Variants in LRMDA observed in about 807,000 individuals in gnomAD.
LRMDA encodes the protein leucine-rich melanocyte differentiation-associated protein.
Under a neutral mutation model 29.8 loss-of-function variants are expected in LRMDA, and 18 were observed. The ratio of observed to expected loss-of-function variants is 0.60; its 90% CI spans 0.42 to 0.90. LRMDA has a LOEUF of 0.90. LRMDA is among the 40% of genes least tolerant of loss of function. LRMDA has a pLI of 0.00. For missense variants in LRMDA, 273 were observed against 273.9 expected (o/e 1.00, Z 0.02); for synonymous variants, 125 against 109.4 (o/e 1.14, Z -0.89).
At chr10:76,265,716 A>C (rs188129871) in intron 5 of LRMDA, among the ~76,000 whole-genome samples, 442 of 152,282 alleles carry the variant, frequency 2.9e-3, no homozygotes, top group African/African-American at 9.7e-3. Context: ...GAAGAGTCAG[A>C]TCTTCAGCTT....
At chr10:75,466,774 C>T (rs898240167) in intron 2 of LRMDA, among the ~76,000 whole-genome samples, 1 of 152,130 alleles carries the variant, frequency 6.6e-6, no homozygotes, top group Admixed American at 6.5e-5. Flanking sequence ...ACTCCCCCTA[C>T]TGAATCTACC....
At chr10:75,939,379 G>A (rs143957590) in intron 2 of LRMDA, among the ~76,000 whole-genome samples, 3 of 152,122 alleles carry the variant, frequency 2.0e-5, no homozygotes, top group Non-Finnish European at 4.4e-5. Flanking sequence ...GTTGTGTTCT[G>A]TTTTCCCTAT....
intron 2 of LRMDA, among the ~76,000 whole-genome samples, chr10:75,752,824 G>A (rs1327955489): frequency 1.3e-5 from 2 of 152,172 alleles, no homozygotes; most frequent in Non-Finnish European, 2.9e-5. Context: ...TTAAGGGTTT[G>A]TTGCTACTGG....
chr10:75,926,773 C>G (rs1846127165), intron 2 of LRMDA, among the ~76,000 whole-genome samples: 1 of 152,184 alleles, frequency 6.6e-6, no homozygotes, highest in Non-Finnish European at 1.5e-5. Flanking sequence ...TGTAAACAAG[C>G]AAAATTGCTT....
intron 6 of LRMDA, among the ~76,000 whole-genome samples, chr10:76,516,354 A>AT (rs1374552301): frequency 6.6e-6 from 1 of 152,088 alleles, no homozygotes; most frequent in African/African-American, 2.4e-5. Flanking sequence ...TTATTTTATT[A>AT]TTATTATACT....
intron 2 of LRMDA, among the ~76,000 whole-genome samples, chr10:75,807,337 G>A (rs930471526): frequency 2.6e-5 from 4 of 152,192 alleles, no homozygotes; most frequent in African/African-American, 7.2e-5. Flanking sequence ...AATCAGACAG[G>A]GCATGGGCCT....
At chr10:75,776,416 A>G (rs1843312578) in intron 2 of LRMDA, among the ~76,000 whole-genome samples, 1 of 152,192 alleles carries the variant, frequency 6.6e-6, no homozygotes, top group African/African-American at 2.4e-5. Context: ...GATTTGGAAA[A>G]AGAGTTCTGC....
intron 6 of LRMDA, among the ~76,000 whole-genome samples, chr10:76,505,869 C>T (rs1398957489): frequency 6.6e-6 from 1 of 152,132 alleles, no homozygotes; most frequent in African/African-American, 2.4e-5. Flanking sequence ...TGCATGGATT[C>T]TTTCTCATTT....
chr10:75,929,741 T>G (rs1846178215), intron 2 of LRMDA, among the ~76,000 whole-genome samples: 1 of 152,160 alleles, frequency 6.6e-6, no homozygotes, highest in Admixed American at 6.6e-5. Context: ...TTTGGGATCC[T>G]GTAGTTGAGG....
At position 76,020,273 on chromosome 10, in the gene LRMDA, G is replaced by A. The variant is rs937376757; in HGVS notation, c.132-15735G>A. On this transcript the variant is annotated intron_variant, in intron 2 of 6. Coordinates refer to ENST00000611255, the MANE Select transcript of LRMDA (RefSeq NM_001305581.2). The stretch of plus-strand genomic sequence containing the variant: ...TGTGGCTTTTATTTGGTTTCCCTAT[G>A]CATGTTCAGGAAAACATGTCACATA... Among the ~76,000 whole-genome samples, 9 of 152,186 alleles carry A rather than the reference G, an allele frequency of 5.9e-5. No homozygotes were observed. The East Asian group carries it at 1.7e-3, about 29-fold the overall frequency.
intron 2 of LRMDA, among the ~76,000 whole-genome samples, chr10:75,657,007 A>T (rs1255556269): frequency 1.3e-5 from 2 of 152,198 alleles, no homozygotes; most frequent in Non-Finnish European, 2.9e-5. Flanking sequence ...AGACAATAAA[A>T]TGGAGGCATA....
intron 4 of LRMDA, 87 bp from the exon 5 acceptor site, chr10:76,058,579 G>A: frequency 9.2e-7 from 1 of 1,086,114 alleles, no homozygotes; most frequent in Non-Finnish European, 1.4e-6. Context: ...ACCGGATGGT[G>A]TGGATTCTTG....
chr10:76,216,882 G>A (rs1213888133), intron 5 of LRMDA, among the ~76,000 whole-genome samples: 5 of 152,172 alleles, frequency 3.3e-5, no homozygotes, highest in Non-Finnish European at 7.4e-5. Context: ...GTCTACCAAT[G>A]AGTGAATGAA....
At chr10:76,321,716 A>G (rs1017553485) in intron 5 of LRMDA, among the ~76,000 whole-genome samples, 9 of 152,192 alleles carry the variant, frequency 5.9e-5, no homozygotes, top group African/African-American at 1.9e-4. Context: ...AGGTCGAGGC[A>G]GGTGGATCAC....
At chr10:76,363,276 AAAGGAAGG>A (rs1212066726) in intron 6 of LRMDA, among the ~76,000 whole-genome samples, 1 of 58,804 alleles carries the variant, frequency 1.7e-5, no homozygotes, top group East Asian at 3.7e-4. Context: ...GGAAGGAAGG[AAAGGAAGG>A]AAGGAAGGAA....
chr10:75,438,412 G>A lies in LRMDA; in HGVS notation c.49G>A (p.Asp17Asn), dbSNP rs1844286870. Residue 17 changes from aspartate (D) to asparagine (N), a missense_variant, in exon 2 of 7, where the codon GAC (aspartate) becomes AAC (asparagine). By Grantham distance (23) the Asp-to-Asn change is conservative (BLOSUM62 1). Coordinates refer to ENST00000611255, the MANE Select transcript of LRMDA (RefSeq NM_001305581.2). ...RGTQVSYIGQ[D>N]CREIPEHLGR... Reference sequence around the variant, plus strand: ...TTTCCAGGTGTCCTACATAGGCCAGGACTGCAGAGAAATTCCAGAGCACCT... The same window carrying A: ...TTTCCAGGTGTCCTACATAGGCCAGAACTGCAGAGAAATTCCAGAGCACCT... 6.4e-7 allele frequency: 1 copy of A among 1,551,066 alleles called. No homozygotes were observed. The highest frequency in any genetic ancestry group is 8.7e-7 in the Non-Finnish European group (1 of 1,147,064).
chr10:75,947,256 A>T (rs1484312449), intron 2 of LRMDA, among the ~76,000 whole-genome samples: 1 of 152,144 alleles, frequency 6.6e-6, no homozygotes, highest in African/African-American at 2.4e-5. Flanking sequence ...GTGCGGTTCA[A>T]CCTAATTCTG....
intron 5 of LRMDA, among the ~76,000 whole-genome samples, chr10:76,261,064 C>CTTTTTTTTTTTT (rs58554883): frequency 1.7e-4 from 20 of 117,720 alleles, no homozygotes; most frequent in African/African-American, 3.0e-4. Flanking sequence ...CTTTTCTTTT[C>CTTTTTTTTTTTT]TTTTTTTTTT....
intron 6 of LRMDA, among the ~76,000 whole-genome samples, chr10:76,366,367 C>T (rs960126404): frequency 6.6e-6 from 1 of 152,192 alleles, no homozygotes; most frequent in Non-Finnish European, 1.5e-5. Context: ...TTCTACCCAT[C>T]CATGAGCATG....
Sources: gnomAD v4.1 joint callset for allele counts (sites outside exome capture counted in the v4.1 genomes callset) on GRCh38, gnomAD v4.1.1 for gene constraint, MANE v1.5 for transcripts, NCBI Gene and HGNC (gene_info 2026-07-23, HGNC 2026-07-21) for gene names.